Variants in LRP1B observed in about 807,000 individuals in gnomAD.
The protein encoded by LRP1B is low-density lipoprotein receptor-related protein 1B.
LRP1B carries 217 observed loss-of-function variants against 556.6 expected under a neutral mutation model. That is an observed-to-expected ratio of 0.39 (90% CI 0.35 to 0.44). The LOEUF (loss-of-function observed/expected upper bound fraction) is 0.44. LRP1B is among the 20% of genes least tolerant of loss of function. The pLI is 1.00. For missense variants in LRP1B, 5,053 were observed against 5,620.8 expected (o/e 0.90, Z 3.23); for synonymous variants, 2,047 against 1,865.8 (o/e 1.10, Z -2.50).
intron 77 of LRP1B, among the ~76,000 whole-genome samples, chr2:140,349,229 A>C (rs565527921): frequency 6.6e-6 from 1 of 152,238 alleles, no homozygotes; most frequent in African/African-American, 2.4e-5. Context: ...CCCAAAGCAC[A>C]AAACTAAATA....
At chr2:141,610,267 T>C (rs1170414724) in intron 2 of LRP1B, among the ~76,000 whole-genome samples, 2 of 151,790 alleles carry the variant, frequency 1.3e-5, no homozygotes, top group African/African-American at 4.8e-5. Flanking sequence ...TGTATACATA[T>C]GTAACTAACC....
chr2:140,757,754 G>A (rs113455599), intron 35 of LRP1B, among the ~76,000 whole-genome samples: 3,772 of 152,170 alleles, frequency 0.025, 206 homozygotes, highest in East Asian at 0.23. Flanking sequence ...GGTGGCATGC[G>A]CCTGTAGTCC....
intron 2 of LRP1B, among the ~76,000 whole-genome samples, chr2:141,484,775 G>A (rs1473258143): frequency 6.6e-6 from 1 of 151,874 alleles, no homozygotes; most frequent in Non-Finnish European, 1.5e-5. Context: ...GTCTGTTATT[G>A]GTGTATAAGA....
intron 18 of LRP1B, among the ~76,000 whole-genome samples, chr2:140,969,506 G>A (rs36159090): frequency 0.022 from 3,404 of 152,180 alleles, 38 homozygotes; most frequent in Non-Finnish European, 0.027. Context: ...TTTAATTGGA[G>A]CATTTAGCCC....
intron 2 of LRP1B, among the ~76,000 whole-genome samples, chr2:141,698,663 T>A (rs1264509431): frequency 6.6e-6 from 1 of 151,666 alleles, no homozygotes; most frequent in East Asian, 1.9e-4. Flanking sequence ...ATTATCTGAC[T>A]GAGCTGTAGC....
At chr2:141,309,582 A>G (rs912945063) in intron 3 of LRP1B, among the ~76,000 whole-genome samples, 15 of 152,200 alleles carry the variant, frequency 9.9e-5, no homozygotes, top group Admixed American at 3.3e-4. Flanking sequence ...AGGAGGCAGA[A>G]AGAAGACCTT....
At chr2:141,178,253 C>T (rs1401438368) in intron 7 of LRP1B, among the ~76,000 whole-genome samples, 1 of 152,034 alleles carries the variant, frequency 6.6e-6, no homozygotes, top group East Asian at 1.9e-4. Flanking sequence ...GGAAGCACAG[C>T]TTAAGGAGAA....
intron 3 of LRP1B, among the ~76,000 whole-genome samples, chr2:141,438,877 T>C (rs965932569): frequency 6.6e-6 from 1 of 152,124 alleles, no homozygotes; most frequent in Non-Finnish European, 1.5e-5. Flanking sequence ...TGGAGAACTG[T>C]TAGACATATG....
chr2:142,130,609 G>T, intron 1 of LRP1B, 39 bp downstream of exon 1: 2 of 1,548,276 alleles, frequency 1.3e-6, no homozygotes, highest in South Asian at 1.2e-5. Context: ...GGAAAGCCAA[G>T]GAAGTCAGGG....
intron 41 of LRP1B, among the ~76,000 whole-genome samples, chr2:140,651,469 T>A (rs900093325): frequency 2.1e-5 from 3 of 146,038 alleles, no homozygotes; most frequent in Non-Finnish European, 4.5e-5. Flanking sequence ...AACCTGCACA[T>A]TGTGCACATG....
intron 2 of LRP1B, among the ~76,000 whole-genome samples, chr2:141,489,802 A>G (rs559393439): frequency 2.0e-5 from 3 of 152,326 alleles, no homozygotes; most frequent in African/African-American, 7.2e-5. Flanking sequence ...ACTTCCAAGT[A>G]AAACAATATT....
At position 141,010,019 on chromosome 2, in the gene LRP1B, C is replaced by T. The variant is rs536319850; in HGVS notation, c.2380+3537G>A. The stretch of plus-strand genomic sequence containing the variant: ...ATATGTAAAATATAAATCAATAGTA[C>T]CTATTTTAAATATATGTTGTGAAAA... On this transcript the variant is annotated intron_variant, in intron 14 of 90. Transcript: ENST00000389484. Among the ~76,000 whole-genome samples, 21 of 152,054 alleles carry T rather than the reference C, an allele frequency of 1.4e-4. 1 individual carries two copies. The South Asian group carries it at 4.4e-3, about 32-fold the overall frequency.
chr2:142,069,472 C>A (rs1180421887), intron 1 of LRP1B, among the ~76,000 whole-genome samples: 1 of 105,758 alleles, frequency 9.5e-6, no homozygotes, highest in Non-Finnish European at 2.0e-5. Flanking sequence ...GAGACCTGAC[C>A]AACAACAACT....
intron 2 of LRP1B, among the ~76,000 whole-genome samples, chr2:141,708,324 T>A (rs1415399687): frequency 1.3e-5 from 2 of 152,088 alleles, no homozygotes; most frequent in African/African-American, 4.8e-5. Context: ...CACAGATGTC[T>A]TCTGGATGCC....
intron 2 of LRP1B, among the ~76,000 whole-genome samples, chr2:141,708,233 A>T (rs1481396973): frequency 6.6e-6 from 1 of 152,162 alleles, no homozygotes; most frequent in African/African-American, 2.4e-5. Flanking sequence ...ATAAATTAAA[A>T]AAAAAACAAA....
intron 59 of LRP1B, among the ~76,000 whole-genome samples, chr2:140,476,117 A>G (rs1401565428): frequency 1.3e-5 from 2 of 152,086 alleles, no homozygotes; most frequent in Admixed American, 6.5e-5. Context: ...TAAAATGCAA[A>G]TAACGTATAA....
intron 1 of LRP1B, among the ~76,000 whole-genome samples, chr2:141,949,973 G>T (rs567183161): frequency 2.4e-4 from 37 of 152,204 alleles, no homozygotes; most frequent in Non-Finnish European, 4.3e-4. Context: ...TTCAAGGTTG[G>T]TAAGCAAAAC....
intron 77 of LRP1B, among the ~76,000 whole-genome samples, chr2:140,339,530 G>A (rs979990076): frequency 2.6e-5 from 4 of 151,412 alleles, no homozygotes; most frequent in African/African-American, 9.7e-5. Flanking sequence ...ATCTCCCAAT[G>A]GAATTGTATT....
At chr2:140,842,450 G>A (rs1692139161) in intron 29 of LRP1B, among the ~76,000 whole-genome samples, 1 of 152,070 alleles carries the variant, frequency 6.6e-6, no homozygotes, top group South Asian at 2.1e-4. Flanking sequence ...TACTACTCGT[G>A]GTTCCAGTTC....
Sources: allele counts gnomAD v4.1 joint callset (sites outside exome capture counted in the v4.1 genomes callset), GRCh38; gene constraint gnomAD v4.1.1; transcripts MANE v1.5; gene names NCBI Gene and HGNC (gene_info 2026-07-23, HGNC 2026-07-21).